The following SGCZ variants were observed in gnomAD, a reference collection of about 807,000 sequenced individuals.
SGCZ encodes zeta-sarcoglycan.
SGCZ carries 40 observed loss-of-function variants against 41.3 expected under a neutral mutation model. The ratio of observed to expected loss-of-function variants is 0.97; its 90% CI spans 0.75 to 1.26. SGCZ has a LOEUF of 1.26. SGCZ is among the 50% of genes most tolerant of loss of function. The probability of loss-of-function intolerance (pLI) is 0.00; values close to 1 mark genes in which losing one functional copy is unlikely to be tolerated. For missense variants in SGCZ, 552 were observed against 369.8 expected, an observed-to-expected ratio of 1.49 and a Z score of -4.04; for synonymous variants, 206 against 137.5, an observed-to-expected ratio of 1.50 and a Z score of -3.49.
At chr8:14,315,114 G>C (rs908047292) in intron 3 of SGCZ, among the ~76,000 whole-genome samples, 1 of 152,092 alleles carries the variant, frequency 6.6e-6, no homozygotes. Context: ...AGTGACTTGA[G>C]GTTTGAATTC....
chr8:15,024,707 C>T (rs144045102), intron 1 of SGCZ, among the ~76,000 whole-genome samples: 20,609 of 151,898 alleles, frequency 0.14, 1,554 homozygotes, highest in South Asian at 0.24. Flanking sequence ...GAGGCCGAGG[C>T]GGGCAGATCA....
chr8:14,712,202 C>A (rs192137463), intron 1 of SGCZ, among the ~76,000 whole-genome samples: 2 of 151,404 alleles, frequency 1.3e-5, no homozygotes, highest in African/African-American at 4.9e-5. Context: ...TAAGTATTTT[C>A]ATGATCTTGC....
At chr8:14,420,690 G>C (rs1227560524) in intron 2 of SGCZ, among the ~76,000 whole-genome samples, 3 of 152,174 alleles carry the variant, frequency 2.0e-5, no homozygotes, top group Middle Eastern at 3.4e-3. Flanking sequence ...CAGTAAAGCA[G>C]ATGTGACGAG....
chr8:14,264,269 G>C (rs894677470), intron 3 of SGCZ, among the ~76,000 whole-genome samples: 1 of 152,186 alleles, frequency 6.6e-6, no homozygotes, highest in African/African-American at 2.4e-5. Context: ...GGGATGCTGT[G>C]TGTTTAAGGA....
intron 5 of SGCZ, among the ~76,000 whole-genome samples, chr8:14,118,962 T>C (rs2117030308): frequency 6.6e-6 from 1 of 152,340 alleles, no homozygotes; most frequent in South Asian, 2.1e-4. Context: ...TTGATTACTG[T>C]AGCCTTGTAT....
chr8:14,110,815 G>A (rs1189253673), intron 5 of SGCZ, among the ~76,000 whole-genome samples: 2 of 152,108 alleles, frequency 1.3e-5, no homozygotes, highest in Non-Finnish European at 2.9e-5. Context: ...CACTTTAGGA[G>A]GACGAAGCAG....
In SGCZ at chr8:15,031,908, T is replaced by TCTCTCTCC. The variant is rs1268076470; in HGVS notation, c.39+205676_39+205677insGGAGAGAG. 2.0e-5 allele frequency among the ~76,000 whole-genome samples: 3 copies of TCTCTCTCC among 147,284 alleles called. 1 individual carries two copies. The highest frequency in any genetic ancestry group is 1.5e-5 in the Non-Finnish European group (1 of 66,166). ...ATTCTATACCCTCTATATTCCTCTC[T>TCTCTCTCC]CTCTCTCTCTCTCTCTCTCTCTCTC... On this transcript the variant is annotated intron_variant, in intron 1 of 7. Transcript: ENST00000382080.
intron 4 of SGCZ, among the ~76,000 whole-genome samples, chr8:14,228,669 G>A (rs1396171097): frequency 3.3e-5 from 5 of 151,946 alleles, no homozygotes; most frequent in Non-Finnish European, 7.4e-5. Flanking sequence ...CCTAAGTAGT[G>A]CTAAAATAAA....
chr8:15,160,551 A>T (rs1382455537), intron 1 of SGCZ, among the ~76,000 whole-genome samples: 2 of 152,228 alleles, frequency 1.3e-5, no homozygotes, highest in Non-Finnish European at 2.9e-5. Flanking sequence ...AAGAAGGAAA[A>T]GTAGCCATGT....
rs926483651 is a variant in SGCZ at position 14,359,760 on chromosome 8, T to C, written c.235-35556A>G. 4.6e-5 allele frequency among the ~76,000 whole-genome samples: 7 copies of C among 151,160 alleles called. No individual in the cohort carries two copies. In the South Asian group the frequency reaches 1.3e-3, roughly 27 times the overall value. On this transcript the variant is annotated intron_variant, in intron 2 of 7. Transcript: ENST00000382080. ...AAAAAACAGAGGAGGAGGGAACACTTCTAAATTTATTCTACAAGGTTAGTA... is the reference window on the plus strand; with the variant it reads ...AAAAAACAGAGGAGGAGGGAACACTCCTAAATTTATTCTACAAGGTTAGTA...
intron 5 of SGCZ, among the ~76,000 whole-genome samples, chr8:14,158,729 G>A (rs916920574): frequency 6.6e-6 from 1 of 152,102 alleles, no homozygotes; most frequent in African/African-American, 2.4e-5. Flanking sequence ...AAGTAACTAC[G>A]ACCAAGTCTT....
At chr8:14,733,978 A>G (rs967417085) in intron 1 of SGCZ, among the ~76,000 whole-genome samples, 13 of 152,224 alleles carry the variant, frequency 8.5e-5, no homozygotes, top group Non-Finnish European at 1.5e-4. Flanking sequence ...ATCCTCCACT[A>G]TCTTCACTCC....
intron 2 of SGCZ, among the ~76,000 whole-genome samples, chr8:14,346,740 A>G (rs886249428): frequency 3.9e-5 from 6 of 152,040 alleles, no homozygotes; most frequent in African/African-American, 9.7e-5. Context: ...ACCATACTTT[A>G]ATATATTTAA....
chr8:14,968,218 C>G (rs913010393), intron 1 of SGCZ, among the ~76,000 whole-genome samples: 2 of 152,082 alleles, frequency 1.3e-5, no homozygotes, highest in African/African-American at 4.8e-5. Context: ...TTTGTGGTAT[C>G]TCATCTTGAT....
intron 1 of SGCZ, among the ~76,000 whole-genome samples, chr8:14,769,788 A>G (rs1009052348): frequency 7.1e-6 from 1 of 140,548 alleles, no homozygotes; most frequent in Non-Finnish European, 1.5e-5. Context: ...AGAGCAAAAC[A>G]CCATTAAAAA....
intron 1 of SGCZ, among the ~76,000 whole-genome samples, chr8:15,097,370 A>G (rs1459223223): frequency 6.6e-6 from 1 of 152,112 alleles, no homozygotes; most frequent in South Asian, 2.1e-4. Context: ...ACAACCTTCT[A>G]ATGGTAATAT....
chr8:14,090,651 G>C lies in SGCZ; in HGVS notation c.745-14C>G, dbSNP rs748248363. The C allele has an allele frequency of 2.5e-6, 4 of 1,604,348 alleles. No individual in the cohort carries two copies. The African/African-American group carries it at 5.4e-5, about 22-fold the overall frequency. On this transcript the variant is annotated splice_polypyrimidine_tract_variant and intron_variant, in intron 7 of 7. Coordinates refer to ENST00000382080, the MANE Select transcript of SGCZ (RefSeq NM_139167.4). Reference sequence around the variant, plus strand: ...ATTTAAAAATATCTATGGGAAAAAAGAAATTGCATTTTAATTCATTTTAGA... The same window carrying C: ...ATTTAAAAATATCTATGGGAAAAAACAAATTGCATTTTAATTCATTTTAGA...
At chr8:14,250,906 A>T (rs998594789) in intron 3 of SGCZ, among the ~76,000 whole-genome samples, 18 of 152,158 alleles carry the variant, frequency 1.2e-4, no homozygotes, top group Non-Finnish European at 1.0e-4. Flanking sequence ...CCGCCAGATA[A>T]TTATTAAGCT....
intron 1 of SGCZ, among the ~76,000 whole-genome samples, chr8:14,961,635 A>G (rs1018408884): frequency 2.0e-5 from 3 of 152,186 alleles, no homozygotes; most frequent in African/African-American, 7.2e-5. Context: ...CATAGTACAT[A>G]TAGGGTCCAC....
Sources: gnomAD v4.1 joint callset for allele counts (sites outside exome capture counted in the v4.1 genomes callset) on GRCh38, gnomAD v4.1.1 for gene constraint, MANE v1.5 for transcripts, NCBI Gene and HGNC (gene_info 2026-07-23, HGNC 2026-07-21) for gene names.